MON1B: variants seen among roughly 807,000 people sequenced by gnomAD.
MON1B encodes vacuolar fusion protein MON1 homolog B.
A neutral mutation model predicts 45.1 loss-of-function variants in MON1B; 26 were observed. That is an observed-to-expected ratio of 0.58 (90% confidence interval 0.42 to 0.80). The LOEUF (loss-of-function observed/expected upper bound fraction) is 0.80. Among genes scored for constraint, MON1B ranks in the 30% least tolerant of loss-of-function variants. The pLI, the probability that MON1B is intolerant of heterozygous loss-of-function variation, is 0.00. For missense variants in MON1B, 737 were observed against 754.5 expected, an observed-to-expected ratio of 0.98 and a Z score of 0.27; for synonymous variants, 395 against 320.2, an observed-to-expected ratio of 1.23 and a Z score of -2.49.
chr16:77,191,361 AT>A (rs745619592), intron 1 of MON1B, 103 bp downstream of exon 1: 175 of 1,574,288 alleles, frequency 1.1e-4, no homozygotes, highest in Non-Finnish European at 1.5e-4. Context: ...GTCTCGTCCT[AT>A]TGAAATCCGT....
Position 77,198,394 on chromosome 16 carries a change from T to C in MON1B, c.*86T>C. ...TCTACCCTGGAAATGTGTGTGGGGG[T>C]GTGTCTGTGGCCAGTCATTGTCTCC... On this transcript the variant is annotated 3_prime_UTR_variant, in exon 6 of 6. Coordinates refer to ENST00000248248, the MANE Select transcript of MON1B (RefSeq NM_014940.4). 7.0e-7 allele frequency: 1 copy of C among 1,426,642 alleles called. No homozygotes were observed. Among genetic ancestry groups the C allele is most frequent in the South Asian group, 1.2e-5 (1 of 82,408 alleles). The allele number at this position is 1,426,642 out of a possible 1,614,324, so 88.4% of individuals were successfully genotyped here. A position where few individuals can be genotyped will look rare whatever the true frequency, so the allele number is the denominator to read the frequency against.
chr16:77,196,487 A>T (rs1396410881), intron 5 of MON1B, among the ~76,000 whole-genome samples: 1 of 152,246 alleles, frequency 6.6e-6, no homozygotes, highest in Admixed American at 6.5e-5. Flanking sequence ...TATAAAGAGT[A>T]ACATGGGGCC....
In MON1B at chr16:77,193,519, T is replaced by C; in HGVS notation, c.217T>C (p.Ser73Pro). ...PPQSEALSSTSRLWSPAAPEN... is the reference protein window; with the variant it reads ...PPQSEALSSTPRLWSPAAPEN... ...CCAGTCAGAGGCCCTGTCAAGCACC[T>C]CTCGGCTCTGGAGTCCTGCAGCCCC... The change falls in exon 3 of 6, where the codon TCT becomes CCT. Residue 73 changes from serine to proline, a missense_variant. Physicochemically the swap from Ser to Pro is moderately conservative, Grantham distance 74. Transcript: ENST00000248248. This position sits in a 1 kb window ranked among gnomAD's most constrained non-coding sequence, Gnocchi z 5.0. The C allele has an allele frequency of 1.2e-6, 2 of 1,612,244 alleles. No individual in the cohort carries two copies. Among genetic ancestry groups the C allele is most frequent in the Non-Finnish European group, 1.7e-6 (2 of 1,178,844 alleles).
rs780288947 is a variant in MON1B at position 77,194,622 on chromosome 16, C to T, written c.763C>T (p.Arg255Cys). The stretch of plus-strand genomic sequence containing the variant: ...TGCCGTGCGCTGTGTGCCCCTTGCC[C>T]GCCCGCTGCGAGACGCACTAGGTGC... Reference protein sequence around the residue: ...LGAVRCVPLARPLRDALGALL... With the variant: ...LGAVRCVPLACPLRDALGALL... The change falls in exon 4 of 6, where the codon CGC becomes TGC. Residue 255 changes from arginine (R) to cysteine (C), a missense_variant. Physicochemically the swap from Arg to Cys is radical, Grantham distance 180. Transcript: ENST00000248248. The surrounding 1 kb of genome is among the most constrained non-coding windows in gnomAD (Gnocchi z 8.1). 2.6e-5 allele frequency: 42 copies of T among 1,613,668 alleles called. No homozygotes were observed. The highest frequency in any genetic ancestry group is 3.3e-5 in the Non-Finnish European group (39 of 1,179,932).
chr16:77,193,730 T>C lies in MON1B; in HGVS notation c.428T>C (p.Val143Ala). ...ACCATGGGTGTAATGACCGCCCTGG[T>C]GTCCTTTGTGCAGAGTGCGGGAGAT... ...SATMGVMTAL[V>A]SFVQSAGDAI... The change falls in exon 3 of 6, where the codon GTG (valine) becomes GCG (alanine). Residue 143 changes from valine to alanine, a missense_variant. Val to Ala is a moderately conservative substitution (Grantham distance 64). Coordinates refer to ENST00000248248, the MANE Select transcript of MON1B (RefSeq NM_014940.4). The surrounding 1 kb of genome is among the most constrained non-coding windows in gnomAD (Gnocchi z 5.0). 1.2e-6 allele frequency: 2 copies of C among 1,613,964 alleles called. No individual in the cohort carries two copies. Among genetic ancestry groups the C allele is most frequent in the East Asian group, 4.5e-5 (2 of 44,870 alleles).
chr16:77,195,188 G>A, intron 4 of MON1B, 34 bp downstream of exon 4: 1 of 1,490,200 alleles, frequency 6.7e-7, no homozygotes, highest in Non-Finnish European at 8.9e-7. Context: ...TGGCTGGGTG[G>A]GAAGGCCTGT....
In MON1B at chr16:77,193,729, G is replaced by A; in HGVS notation, c.427G>A (p.Val143Met). Residue 143 changes from valine to methionine, a missense_variant, in exon 3 of 6, where the codon GTG (valine) becomes ATG (methionine). By Grantham distance (21) the Val-to-Met change is conservative. Coordinates refer to ENST00000248248, the MANE Select transcript of MON1B (RefSeq NM_014940.4). The surrounding 1 kb of genome is among the most constrained non-coding windows in gnomAD (Gnocchi z 5.0). Reference sequence around the variant, plus strand: ...TACCATGGGTGTAATGACCGCCCTGGTGTCCTTTGTGCAGAGTGCGGGAGA... The same window carrying A: ...TACCATGGGTGTAATGACCGCCCTGATGTCCTTTGTGCAGAGTGCGGGAGA... ...SATMGVMTAL[V>M]SFVQSAGDAI... The A allele has an allele frequency of 1.9e-6, 3 of 1,614,018 alleles. No homozygotes were observed. Among genetic ancestry groups the A allele is most frequent in the Non-Finnish European group, 2.5e-6 (3 of 1,179,916 alleles).
Position 77,191,654 on chromosome 16 carries a change from G to T in MON1B, c.148+21G>T, listed in dbSNP as rs368836415. On this transcript the variant is annotated intron_variant, in intron 2 of 5. Coordinates refer to ENST00000248248, the MANE Select transcript of MON1B (RefSeq NM_014940.4). ...AACAGGTATGACTCCACTTAGTGGGGTCTTAAAAGGAATCCTTAGGGGTTG... is the reference window on the plus strand; with the variant it reads ...AACAGGTATGACTCCACTTAGTGGGTTCTTAAAAGGAATCCTTAGGGGTTG... The T allele has an allele frequency of 1.7e-4, 266 of 1,602,626 alleles. 2 individuals are homozygous for T. The highest frequency in any genetic ancestry group is 1.7e-4 in the Middle Eastern group (1 of 6,048).
At chr16:77,195,304 G>T in intron 4 of MON1B, 150 bp downstream of exon 4, 2 of 1,010,694 alleles carry the variant, frequency 2.0e-6, no homozygotes, top group South Asian at 3.4e-5. Flanking sequence ...TGGAGCATCA[G>T]CCACAGACCT....
In MON1B at chr16:77,194,419, G is replaced by T. The variant is rs781298641; in HGVS notation, c.560G>T (p.Arg187Leu). 1 of 1,613,716 alleles carries T rather than the reference G, an allele frequency of 6.2e-7. No individual in the cohort carries two copies. Among genetic ancestry groups the T allele is most frequent in the East Asian group, 2.2e-5 (1 of 44,872 alleles). ...SRTSQSAAQL[R>L]GELLAVHAQI... Reference sequence around the variant, plus strand: ...ACTTCTCAGTCAGCAGCCCAGCTGCGGGGGGAGCTGCTAGCTGTGCACGCA... The same window carrying T: ...ACTTCTCAGTCAGCAGCCCAGCTGCTGGGGGAGCTGCTAGCTGTGCACGCA... Residue 187 changes from arginine (R) to leucine (L), a missense_variant, in exon 4 of 6, where the codon CGG becomes CTG. Transcript: ENST00000248248. This position sits in a 1 kb window ranked among gnomAD's most constrained non-coding sequence, Gnocchi z 8.1.
At chr16:77,196,313 C>G (rs1457087240) in intron 5 of MON1B, among the ~76,000 whole-genome samples, 1 of 144,826 alleles carries the variant, frequency 6.9e-6, no homozygotes, top group Non-Finnish European at 1.5e-5. Flanking sequence ...TTTTAACTTT[C>G]ATTTTCAAAT....
rs771778214 is a variant in MON1B at position 77,193,804 on chromosome 16, G to C, written c.475+27G>C. 10 of 1,586,470 alleles carry C rather than the reference G, an allele frequency of 6.3e-6. No homozygotes were observed. Among genetic ancestry groups the C allele is most frequent in the Non-Finnish European group, 8.6e-6 (10 of 1,163,616 alleles). On this transcript the variant is annotated intron_variant, in intron 3 of 5. Transcript: ENST00000248248. The surrounding 1 kb of genome is among the most constrained non-coding windows in gnomAD (Gnocchi z 5.0). ...TGAGCAAACAGGTGGGAGGCAGAAT[G>C]GGGGACAGTGACTGGGAATATGGCT... is the stretch of plus-strand genomic sequence containing the variant.
In MON1B at chr16:77,196,427, G is replaced by A. The variant is rs532548974; in HGVS notation, c.1443+745G>A. On this transcript the variant is annotated intron_variant, in intron 5 of 5. Coordinates refer to ENST00000248248, the MANE Select transcript of MON1B (RefSeq NM_014940.4). ...TGAAAACCACGCCTGGTCAGATGGT[G>A]GTTTTCCTAACTCCATCATTCTTTC... Among the ~76,000 whole-genome samples the A allele has an allele frequency of 2.0e-5, 3 of 152,278 alleles. No homozygotes were observed. The South Asian group carries it at 6.2e-4, about 32-fold the overall frequency.
intron 5 of MON1B, 73 bp from the exon 6 acceptor site, chr16:77,198,035 C>T: frequency 2.7e-6 from 4 of 1,457,964 alleles, no homozygotes; most frequent in Non-Finnish European, 2.9e-6. Flanking sequence ...AGACATGCAG[C>T]TGCACTGGGG....
Position 77,193,515 on chromosome 16 carries a change from C to T in MON1B, c.213C>T (p.Ser71=), listed in dbSNP as rs955848500. 3 of 1,610,030 alleles carry T rather than the reference C, an allele frequency of 1.9e-6. No individual in the cohort carries two copies. Among genetic ancestry groups the T allele is most frequent in the African/African-American group, 2.7e-5 (2 of 74,874 alleles). ...SPPPQSEALS[S]TSRLWSPAAP... ...CGCCCCAGTCAGAGGCCCTGTCAAG[C>T]ACCTCTCGGCTCTGGAGTCCTGCAG... Residue 71 remains serine (S), a synonymous_variant, in exon 3 of 6, where the codon AGC becomes AGT. Coordinates refer to ENST00000248248, the MANE Select transcript of MON1B (RefSeq NM_014940.4). The surrounding 1 kb of genome is among the most constrained non-coding windows in gnomAD (Gnocchi z 5.0).
chr16:77,197,179 C>G (rs890509750), intron 5 of MON1B, among the ~76,000 whole-genome samples: 9 of 151,802 alleles, frequency 5.9e-5, no homozygotes, highest in African/African-American at 1.9e-4. Flanking sequence ...CGGCGAGTCA[C>G]AAGGTCAGGA....
intron 5 of MON1B, 108 bp from the exon 6 acceptor site, chr16:77,198,000 G>T: frequency 9.0e-7 from 1 of 1,113,178 alleles, no homozygotes; most frequent in Non-Finnish European, 1.3e-6. Context: ...GTGCTGCCAG[G>T]TACATGTTCC....
Position 77,195,608 on chromosome 16 carries a change from G to A in MON1B, c.1369G>A (p.Ala457Thr). ...RLSDLYHRLH[A>T]RLHSTSRPLR... ...GTCGGACCTGTACCACCGCCTGCAT[G>A]CTCGTCTCCACAGCACCTCCCGACC... The change falls in exon 5 of 6, where the codon GCT becomes ACT. Residue 457 changes from alanine to threonine, a missense_variant. Transcript: ENST00000248248. 1 of 1,614,166 alleles carries A rather than the reference G, an allele frequency of 6.2e-7. No individual in the cohort carries two copies. Among genetic ancestry groups the A allele is most frequent in the Middle Eastern group, 1.6e-4 (1 of 6,062 alleles).
Position 77,200,291 on chromosome 16 carries a change from T to TATATATATATATATACAC in MON1B, c.*1984_*1985insTATATATATATATACACA. 7.6e-3 allele frequency: 847 copies of TATATATATATATATACAC among 111,284 alleles called. 33 individuals are homozygous for TATATATATATATATACAC. Among genetic ancestry groups the TATATATATATATATACAC allele is most frequent in the African/African-American group, 0.027 (806 of 29,636 alleles). The allele number at this position is 111,284 out of a possible 1,614,324, so 6.9% of individuals were successfully genotyped here. ...ATATATGTGTATATATATATATATA[T>TATATATATATATATACAC]ACACACACTAATCAGCCGGGCGCGG... On this transcript the variant is annotated 3_prime_UTR_variant, in exon 6 of 6. Coordinates refer to ENST00000248248, the MANE Select transcript of MON1B (RefSeq NM_014940.4).
Sources: gnomAD v4.1 joint callset for allele counts (sites outside exome capture counted in the v4.1 genomes callset) on GRCh38, gnomAD v4.1.1 for gene constraint, Gnocchi (gnomAD v3.1) non-coding constraint, MANE v1.5 for transcripts, NCBI Gene and HGNC (gene_info 2026-07-23, HGNC 2026-07-21) for gene names.